ACTL6A: variants seen among roughly 807,000 people sequenced by gnomAD.
The protein encoded by ACTL6A is actin-like protein 6A.
Under a neutral mutation model 59.2 loss-of-function variants are expected in ACTL6A, and 5 were observed. The ratio of observed to expected loss-of-function variants is 0.08; its 90% CI spans 0.04 to 0.18. The LOEUF (loss-of-function observed/expected upper bound fraction) is 0.18. Ranked by LOEUF, ACTL6A falls within the 10% of genes least tolerant of loss-of-function variation. The pLI is 1.00. For synonymous variants in ACTL6A, 154 were observed against 171.8 expected (o/e 0.90, Z 0.81); for missense variants, 285 against 526.9 (o/e 0.54, Z 4.49).
At chr3:179,572,674 G>A (rs1264310738) in intron 3 of ACTL6A, among the ~76,000 whole-genome samples, 3 of 151,986 alleles carry the variant, frequency 2.0e-5, no homozygotes, top group East Asian at 1.9e-4. Flanking sequence ...GTACGGTGGC[G>A]GGCACCTGTA....
At chr3:179,580,200 C>T (rs958658305) in intron 8 of ACTL6A, among the ~76,000 whole-genome samples, 6 of 152,290 alleles carry the variant, frequency 3.9e-5, no homozygotes, top group East Asian at 1.9e-4. Flanking sequence ...CGTGTTAGTT[C>T]ACAACATTTT....
At chr3:179,569,589 A>G (rs775612180) in intron 1 of ACTL6A, among the ~76,000 whole-genome samples, 1 of 152,190 alleles carries the variant, frequency 6.6e-6, no homozygotes, top group Non-Finnish European at 1.5e-5. Context: ...TGCCTGCAGC[A>G]CTTTGGGATG....
intron 3 of ACTL6A, among the ~76,000 whole-genome samples, chr3:179,572,682 G>A (rs1001138427): frequency 2.0e-5 from 3 of 152,142 alleles, no homozygotes; most frequent in Admixed American, 6.5e-5. Flanking sequence ...GCGGGCACCT[G>A]TAATCCCAGC....
intron 1 of ACTL6A, among the ~76,000 whole-genome samples, chr3:179,564,885 CTTT>C (rs550795606): frequency 6.2e-5 from 8 of 129,452 alleles, no homozygotes; most frequent in African/African-American, 8.5e-5. Context: ...TGGAATATGT[CTTT>C]TTTTTTTTTT....
At chr3:179,584,168 T>C (rs1006616522) in intron 12 of ACTL6A, 21 of 152,202 alleles carry the variant, frequency 1.4e-4, no homozygotes, top group African/African-American at 4.1e-4. Flanking sequence ...AATACCTCCT[T>C]CTTCACAGGA....
Position 179,583,465 on chromosome 3 carries a change from C to T in ACTL6A, c.1122+17C>T. On this transcript the variant is annotated intron_variant, in intron 12 of 13. Transcript: ENST00000429709. ...ACTCCTCCAGTAAGTTCTGTTTGTT[C>T]TTTAATGGTATTCTTCAGTCATATA... is the stretch of plus-strand genomic sequence containing the variant. 1 of 1,577,954 alleles carries T rather than the reference C, an allele frequency of 6.3e-7. No individual in the cohort carries two copies. Among genetic ancestry groups the T allele is most frequent in the Non-Finnish European group, 8.7e-7 (1 of 1,149,962 alleles).
chr3:179,578,473 C>T (rs1026831295), intron 8 of ACTL6A, among the ~76,000 whole-genome samples: 4 of 151,918 alleles, frequency 2.6e-5, no homozygotes, highest in Non-Finnish European at 4.4e-5. Flanking sequence ...GAAAAATTAG[C>T]TAAGTGTGGG....
chr3:179,585,809 T>C (rs1433306742), intron 12 of ACTL6A, among the ~76,000 whole-genome samples: 1 of 152,206 alleles, frequency 6.6e-6, no homozygotes, highest in East Asian at 1.9e-4. Flanking sequence ...GGGATAGTAC[T>C]GTGCAATAAA....
At chr3:179,585,690 T>C (rs1365185042) in intron 12 of ACTL6A, among the ~76,000 whole-genome samples, 1 of 152,170 alleles carries the variant, frequency 6.6e-6, no homozygotes, top group Non-Finnish European at 1.5e-5. Context: ...AAAAATATGT[T>C]CATTTATAGA....
At chr3:179,568,457 C>G (rs1717905536) in intron 1 of ACTL6A, among the ~76,000 whole-genome samples, 1 of 151,650 alleles carries the variant, frequency 6.6e-6, no homozygotes, top group East Asian at 1.9e-4. Context: ...TCCTCTCTCT[C>G]CCTTCTTCAG....
Position 179,588,033 on chromosome 3 carries a change from C to T in ACTL6A, c.*23C>T, listed in dbSNP as rs1276825908. ...TGAGAAAGAGTTCCCAAGCTTCTAC[C>T]TTCCTTTTGTCACCTTACGTTTCAT... On this transcript the variant is annotated 3_prime_UTR_variant, in exon 14 of 14. Coordinates refer to ENST00000429709, the MANE Select transcript of ACTL6A (RefSeq NM_004301.5). 8 of 1,558,242 alleles carry T rather than the reference C, an allele frequency of 5.1e-6. No homozygotes were observed. The highest frequency in any genetic ancestry group is 4.0e-5 in the Admixed American group (2 of 50,196).
rs775701995 is a variant in ACTL6A, at chr3:179,576,735, T to G, written c.678+9T>G. 4.3e-6 allele frequency: 7 copies of G among 1,610,846 alleles called. No homozygotes were observed. Among genetic ancestry groups the G allele is most frequent in the Admixed American group, 1.7e-5 (1 of 59,990 alleles). On this transcript the variant is annotated intron_variant, in intron 7 of 13. Transcript: ENST00000429709. ...ATATGATTGCATCAAAAGTAAGTAA[T>G]TATTGAATTTTCTTTGTAGAACTTA... is the stretch of plus-strand genomic sequence containing the variant.
intron 13 of ACTL6A, 119 bp from the exon 14 acceptor site, chr3:179,587,811 C>T (rs746724351): frequency 2.0e-5 from 14 of 700,204 alleles, no homozygotes; most frequent in Admixed American, 3.3e-5. Context: ...GCTACAATCA[C>T]GCCATTGCAC....
chr3:179,577,892 C>G (rs761742838), intron 8 of ACTL6A, among the ~76,000 whole-genome samples: 1 of 151,746 alleles, frequency 6.6e-6, no homozygotes, highest in Non-Finnish European at 1.5e-5. Flanking sequence ...CTTCCACCGA[C>G]GGGCATTTAA....
intron 12 of ACTL6A, among the ~76,000 whole-genome samples, chr3:179,584,743 C>A (rs1189599856): frequency 6.6e-6 from 1 of 152,080 alleles, no homozygotes; most frequent in Non-Finnish European, 1.5e-5. Flanking sequence ...CGAGATCATG[C>A]CACTGCATTC....
intron 11 of ACTL6A, 122 bp from the exon 12 acceptor site, chr3:179,583,225 ATAATAG>A: frequency 1.5e-6 from 1 of 670,454 alleles, no homozygotes; most frequent in Non-Finnish European, 2.6e-6. Flanking sequence ...TTAGTTCTAT[ATAATAG>A]TAAAACATTT....
chr3:179,585,760 G>T (rs1718469520), intron 12 of ACTL6A, among the ~76,000 whole-genome samples: 1 of 151,698 alleles, frequency 6.6e-6, no homozygotes, highest in African/African-American at 2.4e-5. Context: ...CTTGGTAAGA[G>T]AAAGAAAAAA....
At chr3:179,565,724 C>T (rs1576847234) in intron 1 of ACTL6A, among the ~76,000 whole-genome samples, 1 of 151,984 alleles carries the variant, frequency 6.6e-6, no homozygotes, top group East Asian at 1.9e-4. Flanking sequence ...GAGACTGCTA[C>T]CAGATTTTGC....
chr3:179,581,288 GTT>G, intron 11 of ACTL6A, 68 bp downstream of exon 11: 1 of 1,292,240 alleles, frequency 7.7e-7, no homozygotes, highest in Non-Finnish European at 1.1e-6. Flanking sequence ...CCAAATCATT[GTT>G]AGGTTGACAG....
Sources: gnomAD v4.1 joint callset for allele counts (sites outside exome capture counted in the v4.1 genomes callset) on GRCh38, gnomAD v4.1.1 for gene constraint, MANE v1.5 for transcripts, NCBI Gene and HGNC (gene_info 2026-07-23, HGNC 2026-07-21) for gene names.